PXDNL: variants seen among roughly 807,000 people sequenced by gnomAD.
PXDNL encodes probable oxidoreductase PXDNL.
In PXDNL, 145 loss-of-function variants were observed where a neutral mutation model predicts 150.8. That is an observed-to-expected ratio of 0.96 (90% CI 0.84 to 1.10). The LOEUF (loss-of-function observed/expected upper bound fraction) is 1.10, where lower values mean the gene tolerates loss of function less well. Ranked by LOEUF, PXDNL falls within the 50% of genes least tolerant of loss-of-function variation. The pLI is 0.00. For synonymous variants in PXDNL, 757 were observed against 725.7 expected, an observed-to-expected ratio of 1.04 and a Z score of -0.69; for missense variants, 2,087 against 1,873.9, an observed-to-expected ratio of 1.11 and a Z score of -2.10.
chr8:51,607,948 G>C (rs1287220939), intron 2 of PXDNL, among the ~76,000 whole-genome samples: 4 of 138,356 alleles, frequency 2.9e-5, no homozygotes, highest in African/African-American at 1.2e-4. Context: ...GAGAGAGAAA[G>C]AAGAAAGAAA....
In PXDNL at chr8:51,453,569, G is replaced by C. The variant is rs780526460; in HGVS notation, c.1199C>G (p.Ala400Gly). Reference protein sequence around the residue: ...QRDHGRFTCHANNSHGTVQAA... With the variant: ...QRDHGRFTCHGNNSHGTVQAA... ...TTGAACAGTGCCGTGGCTATTGTTG[G>C]CATGACAGGTAAATCGACCATGATC... Residue 400 changes from alanine (A) to glycine (G), a missense_variant, in exon 10 of 23, where the codon GCC becomes GGC. By Grantham distance (60) the Ala-to-Gly change is moderately conservative (BLOSUM62 0). Transcript: ENST00000356297. 5 of 1,613,838 alleles carry C rather than the reference G, an allele frequency of 3.1e-6. No individual in the cohort carries two copies. Among genetic ancestry groups the C allele is most frequent in the Non-Finnish European group, 4.2e-6 (5 of 1,179,858 alleles).
chr8:51,548,470 T>G (rs745336508), intron 4 of PXDNL, among the ~76,000 whole-genome samples: 26 of 152,154 alleles, frequency 1.7e-4, no homozygotes, highest in Non-Finnish European at 2.9e-4. Context: ...AAAGGAAAAC[T>G]TATCAGATTA....
At chr8:51,497,767 A>G (rs1563439236) in intron 5 of PXDNL, among the ~76,000 whole-genome samples, 1 of 152,244 alleles carries the variant, frequency 6.6e-6, no homozygotes. Flanking sequence ...CGATCATTAA[A>G]AAGTCAGGAA....
intron 5 of PXDNL, among the ~76,000 whole-genome samples, chr8:51,487,180 T>C (rs1474542463): frequency 1.3e-5 from 2 of 152,150 alleles, no homozygotes; most frequent in Non-Finnish European, 2.9e-5. Flanking sequence ...TCTACTTTTA[T>C]ACAAAGTTTA....
At chr8:51,443,928 TGTGCAG>T (rs1809611796) in intron 12 of PXDNL, among the ~76,000 whole-genome samples, 1 of 152,162 alleles carries the variant, frequency 6.6e-6, no homozygotes. Context: ...ATGTGCACAA[TGTGCAG>T]GTTAGTTACA....
chr8:51,450,981 AAAATAGAT>A (rs2093115393), intron 10 of PXDNL, among the ~76,000 whole-genome samples: 1 of 152,212 alleles, frequency 6.6e-6, no homozygotes, highest in Admixed American at 6.5e-5. Context: ...TCTACATTAA[AAAATAGAT>A]TCATGACACA....
chr8:51,575,422 G>A (rs1486453209), intron 3 of PXDNL, among the ~76,000 whole-genome samples: 1 of 150,588 alleles, frequency 6.6e-6, no homozygotes, highest in Non-Finnish European at 1.5e-5. Flanking sequence ...AATAAAAATA[G>A]TCTAAACACA....
chr8:51,360,534 T>G (rs1045634016), intron 19 of PXDNL, among the ~76,000 whole-genome samples: 7 of 152,248 alleles, frequency 4.6e-5, no homozygotes, highest in Non-Finnish European at 8.8e-5. Context: ...CCCATATGTG[T>G]ACACACTCAT....
chr8:51,600,702 T>C lies in PXDNL; in HGVS notation c.237-8004A>G, dbSNP rs1406471436. Among the ~76,000 whole-genome samples the C allele has an allele frequency of 2.2e-5, 3 of 138,536 alleles. 1 individual carries two copies. Among genetic ancestry groups the C allele is most frequent in the African/African-American group, 7.7e-5 (3 of 38,764 alleles). 90.9% of individuals were successfully genotyped at this position (138,536 alleles called of 152,430 possible). ...TTTATATGATAAATTACATCTTATA[T>C]AAATTATATAGTTTAGATGATAAAT... On this transcript the variant is annotated intron_variant, in intron 2 of 22. Coordinates refer to ENST00000356297, the MANE Select transcript of PXDNL (RefSeq NM_144651.5).
chr8:51,327,149 C>G (rs75897975), intron 21 of PXDNL, among the ~76,000 whole-genome samples: 4,801 of 152,186 alleles, frequency 0.032, 243 homozygotes, highest in African/African-American at 0.11. Context: ...CTGTGGAGGA[C>G]AGACACAGCT....
intron 1 of PXDNL, among the ~76,000 whole-genome samples, chr8:51,669,958 T>A (rs551989786): frequency 2.6e-5 from 4 of 152,154 alleles, no homozygotes; most frequent in Non-Finnish European, 5.9e-5. Flanking sequence ...TGCTTCAGGC[T>A]GAGCACGGTG....
intron 2 of PXDNL, among the ~76,000 whole-genome samples, chr8:51,621,403 GC>G (rs1814248295): frequency 6.6e-6 from 1 of 151,430 alleles, no homozygotes; most frequent in African/African-American, 2.4e-5. Flanking sequence ...AAACTATTAT[GC>G]ATTTATATAA....
chr8:51,434,100 G>A (rs1435789174), intron 12 of PXDNL, among the ~76,000 whole-genome samples: 1 of 151,974 alleles, frequency 6.6e-6, no homozygotes, highest in Admixed American at 6.6e-5. Context: ...TATATTCTCA[G>A]TTTTATTTTC....
intron 1 of PXDNL, among the ~76,000 whole-genome samples, chr8:51,719,058 G>A (rs1042790538): frequency 1.3e-5 from 2 of 151,482 alleles, no homozygotes; most frequent in African/African-American, 4.8e-5. Flanking sequence ...CCGCCCGGCC[G>A]CCACCCCGTC....
chr8:51,610,041 T>C (rs113453772), intron 2 of PXDNL, among the ~76,000 whole-genome samples: 2 of 152,188 alleles, frequency 1.3e-5, no homozygotes, highest in African/African-American at 2.4e-5. Context: ...CTTTCCATTT[T>C]TTTTCAACAC....
chr8:51,638,629 T>G (rs542650578), intron 2 of PXDNL, among the ~76,000 whole-genome samples: 1 of 152,076 alleles, frequency 6.6e-6, no homozygotes, highest in Non-Finnish European at 1.5e-5. Flanking sequence ...AGTAAAGGGA[T>G]CAATTCAACA....
Position 51,463,325 on chromosome 8 carries a change from C to T in PXDNL, c.813-5658G>A, listed in dbSNP as rs547051178. On this transcript the variant is annotated intron_variant, in intron 8 of 22. Transcript: ENST00000356297. Reference sequence around the variant, plus strand: ...GTCTAAATGGTCCATTAAAAAGGCACAGAGTGGCAAGTTGGATTTTTAAAA... The same window carrying T: ...GTCTAAATGGTCCATTAAAAAGGCATAGAGTGGCAAGTTGGATTTTTAAAA... Among the ~76,000 whole-genome samples the T allele has an allele frequency of 1.6e-4, 25 of 152,280 alleles. 1 individual carries two copies. The South Asian group carries it at 5.0e-3, about 30-fold the overall frequency.
At chr8:51,633,883 G>C (rs532630824) in intron 2 of PXDNL, among the ~76,000 whole-genome samples, 1 of 152,222 alleles carries the variant, frequency 6.6e-6, no homozygotes, top group East Asian at 1.9e-4. Flanking sequence ...CTGAATACTA[G>C]ACTGTTATTG....
At chr8:51,656,196 T>C (rs1009982355) in intron 1 of PXDNL, among the ~76,000 whole-genome samples, 1 of 152,228 alleles carries the variant, frequency 6.6e-6, no homozygotes, top group African/African-American at 2.4e-5. Context: ...AAAGTTGTTC[T>C]ATCTTAGAAT....
Sources: gnomAD v4.1 joint callset for allele counts (sites outside exome capture counted in the v4.1 genomes callset) on GRCh38, gnomAD v4.1.1 for gene constraint, MANE v1.5 for transcripts, NCBI Gene and HGNC (gene_info 2026-07-23, HGNC 2026-07-21) for gene names.